The following CTNNA2 variants were observed in gnomAD, a reference collection of about 807,000 sequenced individuals.
CTNNA2 encodes the protein catenin alpha 2.
A neutral mutation model predicts 101.0 loss-of-function variants in CTNNA2; 42 were observed. The ratio of observed to expected loss-of-function variants is 0.42; its 90% CI spans 0.32 to 0.54. CTNNA2 has a LOEUF of 0.54. Ranked by LOEUF, CTNNA2 falls within the 20% of genes least tolerant of loss-of-function variation. The pLI, the probability that CTNNA2 is intolerant of heterozygous loss-of-function variation, is 0.14. For missense variants in CTNNA2, 871 were observed against 1,223.1 expected, an observed-to-expected ratio of 0.71 and a Z score of 4.29; for synonymous variants, 450 against 456.4, an observed-to-expected ratio of 0.99 and a Z score of 0.18.
chr2:79,617,790 A>C (rs1336035634), intron 1 of CTNNA2, among the ~76,000 whole-genome samples: 1 of 152,188 alleles, frequency 6.6e-6, no homozygotes, highest in Non-Finnish European at 1.5e-5. Flanking sequence ...AGATTCCCTG[A>C]GGCCATCAGG....
chr2:79,718,175 A>C (rs1027516927), intron 2 of CTNNA2, among the ~76,000 whole-genome samples: 5 of 152,154 alleles, frequency 3.3e-5, no homozygotes, highest in Non-Finnish European at 7.3e-5. Context: ...ACATACTCTG[A>C]TTTCCTCTTT....
chr2:80,557,224 G>A (rs1693124919), intron 12 of CTNNA2, among the ~76,000 whole-genome samples: 1 of 152,156 alleles, frequency 6.6e-6, no homozygotes, highest in African/African-American at 2.4e-5. Context: ...AGATATGACT[G>A]CATTTGAATT....
chr2:80,421,100 G>A (rs1680486770), intron 9 of CTNNA2, among the ~76,000 whole-genome samples: 1 of 152,070 alleles, frequency 6.6e-6, no homozygotes, highest in African/African-American at 2.4e-5. Flanking sequence ...TTTGAGAAGG[G>A]GAAGGCGGAG....
At chr2:79,826,681 G>A (rs1428757669) in intron 3 of CTNNA2, among the ~76,000 whole-genome samples, 1 of 152,180 alleles carries the variant, frequency 6.6e-6, no homozygotes. Flanking sequence ...AAGTTTATTA[G>A]ATAAATGCCA....
intron 4 of CTNNA2, among the ~76,000 whole-genome samples, chr2:79,465,328 G>A (rs1434366331): frequency 6.6e-6 from 1 of 152,162 alleles, no homozygotes; most frequent in Non-Finnish European, 1.5e-5. Flanking sequence ...GCTCTGTTCT[G>A]TTCCATTGAT....
chr2:79,965,868 GAAAAGA>G lies in CTNNA2; in HGVS notation c.1056+56084_1056+56089del, dbSNP rs202151613. Among the ~76,000 whole-genome samples, 137 of 134,648 alleles carry G rather than the reference GAAAAGA, an allele frequency of 1.0e-3. 2 individuals carry two copies. The East Asian group carries it at 0.022, about 22-fold the overall frequency. 88.3% of individuals were successfully genotyped at this position (134,648 alleles called of 152,430 possible). A position where few individuals can be genotyped will look rare whatever the true frequency, so the allele number is the denominator to read the frequency against. On this transcript the variant is annotated intron_variant, in intron 7 of 18. Coordinates refer to ENST00000402739, the MANE Select transcript of CTNNA2 (RefSeq NM_001282597.3). Reference sequence around the variant, plus strand: ...AAAAAAAAGAAGAAAAGAAAGAAAAGAAAAGAAAAAGAAAAAGACAAAGAAGGAAAG... The same window carrying G: ...AAAAAAAAGAAGAAAAGAAAGAAAAGAAAAGAAAAAGACAAAGAAGGAAAG...
At chr2:80,183,333 T>C (rs1227842996) in intron 7 of CTNNA2, among the ~76,000 whole-genome samples, 1 of 152,178 alleles carries the variant, frequency 6.6e-6, no homozygotes, top group Admixed American at 6.5e-5. Context: ...GGGTTTTCTT[T>C]TCTGACTCAA....
chr2:79,862,617 T>G (rs924754213), intron 4 of CTNNA2, among the ~76,000 whole-genome samples: 1 of 152,224 alleles, frequency 6.6e-6, no homozygotes. Context: ...CATGATTTAT[T>G]TATTTATTCA....
At chr2:79,430,373 C>T (rs969349580) in intron 4 of CTNNA2, among the ~76,000 whole-genome samples, 2 of 152,226 alleles carry the variant, frequency 1.3e-5, no homozygotes, top group South Asian at 2.1e-4. Context: ...GTAATTTTAG[C>T]TGGAGGAATC....
At chr2:80,263,973 G>A (rs1272652160) in intron 7 of CTNNA2, among the ~76,000 whole-genome samples, 1 of 152,198 alleles carries the variant, frequency 6.6e-6, no homozygotes, top group African/African-American at 2.4e-5. Context: ...TAATGTCACT[G>A]TATTTAAATT....
At chr2:80,517,218 A>C (rs1037110700) in intron 9 of CTNNA2, among the ~76,000 whole-genome samples, 3 of 152,236 alleles carry the variant, frequency 2.0e-5, no homozygotes, top group Admixed American at 2.0e-4. Flanking sequence ...CACCCAAAAC[A>C]TGGAACACAA....
At chr2:79,942,738 C>A (rs1477313720) in intron 7 of CTNNA2, among the ~76,000 whole-genome samples, 1 of 152,074 alleles carries the variant, frequency 6.6e-6, no homozygotes, top group Non-Finnish European at 1.5e-5. Context: ...TAATTAGGAC[C>A]CCTATCTGTC....
At position 79,858,120 on chromosome 2, in the gene CTNNA2, C is replaced by T. The variant is rs756019081; in HGVS notation, c.406C>T (p.Arg136Cys). The change falls in exon 4 of 19, where the codon CGC (arginine) becomes TGC (cysteine). Residue 136 changes from arginine (R) to cysteine (C), a missense_variant. Around this residue, in one of 5 missense-constraint regions of CTNNA2, gnomAD observed 647 missense variants for 831.5 expected, o/e 0.78. Transcript: ENST00000402739. The part of the protein sequence containing the change: ...AARALLSAVT[R>C]LLILADMADV... ...AAGGGCTTTGCTCTCCGCGGTGACA[C>T]GCTTACTCATCCTGGCGGACATGGC... 52 of 1,613,920 alleles carry T rather than the reference C, an allele frequency of 3.2e-5. No homozygotes were observed. The highest frequency in any genetic ancestry group is 4.5e-5 in the East Asian group (2 of 44,866).
intron 1 of CTNNA2, among the ~76,000 whole-genome samples, chr2:79,549,338 A>T (rs2104038007): frequency 6.6e-6 from 1 of 152,306 alleles, no homozygotes; most frequent in South Asian, 2.1e-4. Context: ...ACACACGTGG[A>T]ATGAGCTTAA....
At position 80,642,940 on chromosome 2, in the gene CTNNA2, A is replaced by AAGAGTAGGAAT. The variant is rs1234826503; in HGVS notation, c.2575-4640_2575-4630dup. On this transcript the variant is annotated intron_variant, in intron 18 of 18. Coordinates refer to ENST00000402739, the MANE Select transcript of CTNNA2 (RefSeq NM_001282597.3). ...CTTTTAGAAGTTGAGTGGTATTAAG[A>AAGAGTAGGAAT]AGAGTAGGAATAGAGGCAGGGGAAA... is the stretch of plus-strand genomic sequence containing the variant. 2.0e-5 allele frequency among the ~76,000 whole-genome samples: 3 copies of AAGAGTAGGAAT among 152,276 alleles called. No individual in the cohort carries two copies. In the East Asian group the frequency reaches 5.8e-4, roughly 29 times the overall value.
At chr2:80,067,396 G>A (rs1698057649) in intron 7 of CTNNA2, among the ~76,000 whole-genome samples, 1 of 151,528 alleles carries the variant, frequency 6.6e-6, no homozygotes, top group South Asian at 2.1e-4. Flanking sequence ...ATATAAACAT[G>A]TTTTATATAT....
intron 7 of CTNNA2, among the ~76,000 whole-genome samples, chr2:79,921,969 G>A (rs573829404): frequency 1.1e-4 from 16 of 152,094 alleles, no homozygotes; most frequent in Non-Finnish European, 2.2e-4. Flanking sequence ...AAATCTCCAG[G>A]GAAAGAGCTG....
intron 3 of CTNNA2, among the ~76,000 whole-genome samples, chr2:79,756,456 A>G (rs1672405575): frequency 6.6e-6 from 1 of 152,198 alleles, no homozygotes; most frequent in Non-Finnish European, 1.5e-5. Context: ...AGAATATTAC[A>G]TTTTGAGATG....
At chr2:80,123,259 G>A (rs1303666528) in intron 7 of CTNNA2, among the ~76,000 whole-genome samples, 1 of 152,064 alleles carries the variant, frequency 6.6e-6, no homozygotes, top group East Asian at 1.9e-4. Context: ...GGAGAAACCG[G>A]GTCGTCCTTA....
Sources: allele counts gnomAD v4.1 joint callset (sites outside exome capture counted in the v4.1 genomes callset), GRCh38; gene constraint gnomAD v4.1.1; regional missense constraint gnomAD v4.1.1; transcripts MANE v1.5; gene names NCBI Gene and HGNC (gene_info 2026-07-23, HGNC 2026-07-21).